The following PILRA variants were observed in gnomAD, a reference collection of about 807,000 sequenced individuals.
PILRA encodes paired immunoglobulin-like type 2 receptor alpha.
A neutral mutation model predicts 33.1 loss-of-function variants in PILRA; 37 were observed. The ratio of observed to expected loss-of-function variants is 1.12; its 90% CI spans 0.86 to 1.47. PILRA has a LOEUF of 1.47. PILRA is among the 40% of genes most tolerant of loss of function. The pLI is 0.00. For synonymous variants in PILRA, 146 were observed against 149.9 expected, an observed-to-expected ratio of 0.97 and a Z score of 0.19; for missense variants, 312 against 376.2, an observed-to-expected ratio of 0.83 and a Z score of 1.41.
chr7:100,384,428 A>C (rs1031775032), intron 2 of PILRA, among the ~76,000 whole-genome samples: 158 of 150,482 alleles, frequency 1.0e-3, no homozygotes, highest in African/African-American at 3.6e-3. Flanking sequence ...AAAAAAAAAA[A>C]ATTTTTTTTT....
In PILRA at chr7:100,391,037, C is replaced by T. The variant is rs531706695; in HGVS notation, c.673+931C>T. Among the ~76,000 whole-genome samples, 40 of 151,876 alleles carry T rather than the reference C, an allele frequency of 2.6e-4. No individual in the cohort carries two copies. In the South Asian group the frequency reaches 7.7e-3, roughly 29 times the overall value. ...GTAATAAAACCAAAGAGGTGAGGTGCGTTGAGGTGGCTCACGCCTGTAATC... is the reference window on the plus strand; with the variant it reads ...GTAATAAAACCAAAGAGGTGAGGTGTGTTGAGGTGGCTCACGCCTGTAATC... On this transcript the variant is annotated intron_variant, in intron 3 of 6. Coordinates refer to ENST00000198536, the MANE Select transcript of PILRA (RefSeq NM_013439.3).
chr7:100,373,824 C>A, intron 1 of PILRA, 104 bp downstream of exon 1: 1 of 1,480,118 alleles, frequency 6.8e-7, no homozygotes, highest in Non-Finnish European at 9.3e-7. Flanking sequence ...GCTCCCACCA[C>A]CAGGAAACAA....
In PILRA at chr7:100,399,810, T is replaced by G. The variant is rs1353553744; in HGVS notation, c.815T>G (p.Leu272Arg). ...GATGACGGCATCGTCTATGCTTCCC[T>G]TGCCCTCTCCAGCTCCACCTCACCC... ...PKDDGIVYASLALSSSTSPRA... is the reference protein window; with the variant it reads ...PKDDGIVYASRALSSSTSPRA... The change falls in exon 7 of 7, where the codon CTT becomes CGT. Residue 272 changes from leucine (L) to arginine (R), a missense_variant. Physicochemically the swap from Leu to Arg is moderately radical, Grantham distance 102. Transcript: ENST00000198536. 1 of 1,612,240 alleles carries G rather than the reference T, an allele frequency of 6.2e-7. No homozygotes were observed. The highest frequency in any genetic ancestry group is 8.5e-7 in the Non-Finnish European group (1 of 1,179,070).
At chr7:100,374,833 G>A in intron 2 of PILRA, 1 of 295,606 alleles carries the variant, frequency 3.4e-6, no homozygotes, top group Non-Finnish European at 6.7e-6. Context: ...TCTGTGTGGA[G>A]TCCCCGTTAG....
chr7:100,397,913 G>A lies in PILRA; in HGVS notation c.707+1G>A, dbSNP rs201649203. On this transcript the variant is annotated splice_donor_variant, in intron 4 of 6. Transcript: ENST00000198536. LOFTEE classifies it high-confidence loss of function. Reference sequence around the variant, plus strand: ...GGACTAAAGCCACAACCCCAGCCAGGTGAGTGCTGGGCCTCCCCAGGGTGG... The same window carrying A: ...GGACTAAAGCCACAACCCCAGCCAGATGAGTGCTGGGCCTCCCCAGGGTGG... The A allele has an allele frequency of 1.2e-6, 2 of 1,613,974 alleles. No homozygotes were observed. Among genetic ancestry groups the A allele is most frequent in the South Asian group, 2.2e-5 (2 of 91,078 alleles).
At chr7:100,380,656 A>T (rs1791069284) in intron 2 of PILRA, among the ~76,000 whole-genome samples, 1 of 152,146 alleles carries the variant, frequency 6.6e-6, no homozygotes, top group Admixed American at 6.5e-5. Context: ...CTCTATAAAA[A>T]AATACAATTT....
intron 2 of PILRA, chr7:100,374,672 G>A (rs1209889228): frequency 2.8e-5 from 14 of 493,376 alleles, no homozygotes; most frequent in South Asian, 2.3e-4. Flanking sequence ...ATCCAGCCCC[G>A]CCCCCACTCC....
intron 2 of PILRA, 25 bp from the exon 3 acceptor site, chr7:100,389,863 C>T (rs767090191): frequency 1.2e-6 from 2 of 1,600,328 alleles, no homozygotes; most frequent in South Asian, 2.2e-5. Context: ...AGGGGAGGGT[C>T]TGCTCATTCC....
chr7:100,373,817 CCCA>C, intron 1 of PILRA, 97 bp downstream of exon 1: 1 of 1,509,144 alleles, frequency 6.6e-7, no homozygotes, highest in East Asian at 2.3e-5. Context: ...GGCCCAGGCT[CCCA>C]CCACCAGGAA....
intron 2 of PILRA, among the ~76,000 whole-genome samples, chr7:100,389,176 T>C (rs557264409): frequency 1.3e-5 from 2 of 152,340 alleles, no homozygotes; most frequent in South Asian, 4.1e-4. Context: ...CAAAGACTCT[T>C]TCAATTCATC....
chr7:100,391,184 A>AATT lies in PILRA; in HGVS notation c.673+1101_673+1103dup, dbSNP rs1342415315. On this transcript the variant is annotated intron_variant, in intron 3 of 6. Transcript: ENST00000198536. The stretch of plus-strand genomic sequence containing the variant: ...TAATAACAATAATAATAATAATAAT[A>AATT]ATTATTATTATTATTATTATTATTA... Among the ~76,000 whole-genome samples, 82 of 122,034 alleles carry AATT rather than the reference A, an allele frequency of 6.7e-4. No homozygotes were observed. In the Middle Eastern group the frequency reaches 0.014, roughly 21 times the overall value. 80.1% of individuals were successfully genotyped at this position (122,034 alleles called of 152,430 possible).
chr7:100,389,373 C>T (rs1373547664), intron 2 of PILRA, among the ~76,000 whole-genome samples: 2 of 152,086 alleles, frequency 1.3e-5, no homozygotes, highest in African/African-American at 4.8e-5. Flanking sequence ...TGCCACTGAA[C>T]GGTGCATGTA....
At position 100,399,895 on chromosome 7, in the gene PILRA, C is replaced by T. The variant is rs1413247711; in HGVS notation, c.900C>T (p.Val300=). The change falls in exon 7 of 7, where the codon GTC becomes GTT. Residue 300 remains valine (V), a synonymous_variant. Transcript: ENST00000198536. ...CCCAGAACGAGACCCTGTACTCTGTCTTAAAGGCCTAACCAATGGACAGCC... is the reference window on the plus strand; with the variant it reads ...CCCAGAACGAGACCCTGTACTCTGTTTTAAAGGCCTAACCAATGGACAGCC... ...KSPQNETLYS[V]LKA 36 of 1,608,730 alleles carry T rather than the reference C, an allele frequency of 2.2e-5. No homozygotes were observed. Among genetic ancestry groups the T allele is most frequent in the Non-Finnish European group, 2.9e-5 (34 of 1,177,584 alleles).
At chr7:100,373,443 G>A, upstream of PILRA, 2 of 611,774 alleles carry the variant, frequency 3.3e-6, no homozygotes, top group East Asian at 2.7e-5. Context: ...AGGCCCTTTT[G>A]CAATAGGGGA....
intron 2 of PILRA, among the ~76,000 whole-genome samples, chr7:100,381,444 C>CAA (rs60123996): frequency 1.0e-3 from 83 of 82,014 alleles, no homozygotes; most frequent in African/African-American, 1.9e-3. Context: ...GATCCTGACT[C>CAA]AAAAAAAAAA....
rs145136101 is a variant in PILRA, at chr7:100,373,671, G to C, written c.15G>C (p.Leu5=). 58 of 1,613,176 alleles carry C rather than the reference G, an allele frequency of 3.6e-5. No homozygotes were observed. The highest frequency in any genetic ancestry group is 4.7e-5 in the Non-Finnish European group (56 of 1,179,716). Residue 5 remains leucine, a synonymous_variant, in exon 1 of 7, where the codon CTG becomes CTC. Coordinates refer to ENST00000198536, the MANE Select transcript of PILRA (RefSeq NM_013439.3). MGRP[L]LLPLLPLLLP... ...AGAACAAGGCCATGGGTCGGCCCCT[G>C]CTGCTGCCCCTACTGCCCTTGCTGC...
chr7:100,399,476 T>C, intron 5 of PILRA, 105 bp from the exon 6 acceptor site: 2 of 1,451,428 alleles, frequency 1.4e-6, no homozygotes, highest in Non-Finnish European at 1.9e-6. Flanking sequence ...CACGTGACCC[T>C]GGCCCTGACC....
In PILRA at chr7:100,380,692, G is replaced by C. The variant is rs1474843662; in HGVS notation, c.454+6259G>C. On this transcript the variant is annotated intron_variant, in intron 2 of 6. Coordinates refer to ENST00000198536, the MANE Select transcript of PILRA (RefSeq NM_013439.3). ...AAAAATTGGCTGGGTGTGGCCTGTC[G>C]TGATAGTTCACGTCTGTAATCCCAG... 6.6e-5 allele frequency among the ~76,000 whole-genome samples: 10 copies of C among 152,140 alleles called. No homozygotes were observed. In the South Asian group the frequency reaches 2.1e-3, roughly 31 times the overall value.
chr7:100,373,892 C>T, intron 1 of PILRA, 152 bp from the exon 2 acceptor site: 2 of 1,228,992 alleles, frequency 1.6e-6, no homozygotes, highest in Middle Eastern at 2.0e-4. Flanking sequence ...CTCCCCCATG[C>T]CTGAAGAGTG....
Sources: gnomAD v4.1 joint callset for allele counts (sites outside exome capture counted in the v4.1 genomes callset) on GRCh38, gnomAD v4.1.1 for gene constraint, MANE v1.5 for transcripts, NCBI Gene and HGNC (gene_info 2026-07-23, HGNC 2026-07-21) for gene names.